ACSL4: variants seen among roughly 807,000 people sequenced by gnomAD.
The protein encoded by ACSL4 is long-chain-fatty-acid--CoA ligase 4.
Under a neutral mutation model 49.1 loss-of-function variants are expected in ACSL4, and 9 were observed. The observed-to-expected ratio is 0.18, with a 90% CI of 0.11 to 0.32. The LOEUF is 0.32. ACSL4 is among the 10% of genes least tolerant of loss of function. The probability of loss-of-function intolerance (pLI) is 1.00; values close to 1 mark genes in which losing one functional copy is unlikely to be tolerated. For synonymous variants in ACSL4, 191 were observed against 170.3 expected (o/e 1.12, Z -0.95); for missense variants, 333 against 493.7 (o/e 0.67, Z 3.08).
At chrX:109,671,825 A>G (rs1923270893) in intron 9 of ACSL4, among the ~76,000 whole-genome samples, 1 of 111,112 alleles carries the variant, frequency 9.0e-6, no homozygotes, top group African/African-American at 3.3e-5. Flanking sequence ...TAAGGGTTAA[A>G]TGGATTAAGG....
rs750106263 is a variant in ACSL4, at chrX:109,723,888, ATCTG to A, written c.-66+9247_-66+9250del. On this transcript the variant is annotated intron_variant, in intron 1 of 15. Coordinates refer to ENST00000672401, the MANE Select transcript of ACSL4 (RefSeq NM_001318510.2). Reference sequence around the variant, plus strand: ...AAAAGTGGATATTAAGTTCTTGCCAATCTGTCTGGTGAAAAACGGTTTACATTTC... The same window carrying A: ...AAAAGTGGATATTAAGTTCTTGCCAATCTGGTGAAAAACGGTTTACATTTC... Among the ~76,000 whole-genome samples the A allele has an allele frequency of 1.2e-4, 13 of 112,505 alleles. 3 individuals are homozygous for A. The highest frequency in any genetic ancestry group is 1.1e-3 in the South Asian group (3 of 2,727).
intron 15 of ACSL4, among the ~76,000 whole-genome samples, chrX:109,654,906 G>T (rs1921495820): frequency 8.9e-6 from 1 of 111,831 alleles, no homozygotes; most frequent in African/African-American, 3.3e-5. Context: ...TACAACAGAA[G>T]GAGGGAGTAA....
At chrX:109,671,520 G>A (rs1451360979) in intron 9 of ACSL4, among the ~76,000 whole-genome samples, 4 of 110,236 alleles carry the variant, frequency 3.6e-5, no homozygotes, top group South Asian at 7.7e-4. Context: ...CTGCCTGGCC[G>A]CCCCGTCTGG....
At chrX:109,726,789 C>T (rs1031557729) in intron 1 of ACSL4, among the ~76,000 whole-genome samples, 3 of 111,980 alleles carry the variant, frequency 2.7e-5, no homozygotes, top group African/African-American at 9.7e-5. Context: ...AGGGATCCTC[C>T]CACTTCAGCC....
intron 2 of ACSL4, among the ~76,000 whole-genome samples, chrX:109,693,968 A>AAT (rs1174153482): frequency 8.9e-6 from 1 of 111,978 alleles, no homozygotes; most frequent in Non-Finnish European, 1.9e-5. Context: ...CTGTAGTTAA[A>AAT]TTAACTATAG....
chrX:109,650,424 A>C (rs1275862332), intron 15 of ACSL4, among the ~76,000 whole-genome samples: 1 of 105,014 alleles, frequency 9.5e-6, no homozygotes, highest in Non-Finnish European at 2.0e-5. Context: ...AACTATCGCA[A>C]GAACAAAAAA....
intron 15 of ACSL4, among the ~76,000 whole-genome samples, chrX:109,644,765 G>C (rs1433095001): frequency 8.9e-6 from 1 of 112,911 alleles, no homozygotes; most frequent in African/African-American, 3.2e-5. Flanking sequence ...TCCATCTGAG[G>C]TACCAGGTTC....
chrX:109,682,154 T>C (rs1431885973), intron 4 of ACSL4, among the ~76,000 whole-genome samples: 5 of 112,175 alleles, frequency 4.5e-5, no homozygotes, highest in African/African-American at 1.6e-4. Flanking sequence ...TACAGTGTTA[T>C]ATTTCATTCA....
intron 1 of ACSL4, among the ~76,000 whole-genome samples, chrX:109,700,510 C>T (rs1925827196): frequency 9.4e-6 from 1 of 105,829 alleles, no homozygotes; most frequent in African/African-American, 3.5e-5. Context: ...GCACTCCAGC[C>T]TGGGTGACAG....
At chrX:109,673,668 C>T (rs995592923) in intron 9 of ACSL4, among the ~76,000 whole-genome samples, 2 of 112,061 alleles carry the variant, frequency 1.8e-5, no homozygotes, top group Admixed American at 1.9e-4. Context: ...ACTTTCTTAT[C>T]TAATCTCAGA....
chrX:109,733,180 T>C lies in ACSL4; in HGVS notation c.-107A>G, dbSNP rs919970208. On this transcript the variant is annotated 5_prime_UTR_variant, in exon 1 of 16. Transcript: ENST00000672401. Reference sequence around the variant, plus strand: ...CGCGTCTTCGCAGCCGGCCGGCGCCTGGCACTCGGAAAGCTCGCAAAAAGG... The same window carrying C: ...CGCGTCTTCGCAGCCGGCCGGCGCCCGGCACTCGGAAAGCTCGCAAAAAGG... The C allele has an allele frequency of 1.5e-5, 5 of 326,955 alleles. No homozygotes were observed. Among genetic ancestry groups the C allele is most frequent in the Non-Finnish European group, 3.0e-5 (5 of 168,721 alleles). The allele number at this position is 326,955 out of a possible 1,213,427, so 26.9% of individuals were successfully genotyped here. A position where few individuals can be genotyped will look rare whatever the true frequency, so the allele number is the denominator to read the frequency against.
chrX:109,662,457 T>C (rs1057374460), intron 13 of ACSL4, among the ~76,000 whole-genome samples: 10 of 111,288 alleles, frequency 9.0e-5, no homozygotes, highest in Admixed American at 1.9e-4. Flanking sequence ...CAGCGATGGA[T>C]TGAAATCAGT....
At chrX:109,659,607 T>C (rs1027736202) in intron 14 of ACSL4, 96 bp from the exon 15 acceptor site, 17 of 549,459 alleles carry the variant, frequency 3.1e-5, no homozygotes, top group Non-Finnish European at 4.4e-5. Flanking sequence ...ATTCCAAATA[T>C]ATATTTCTCT....
At chrX:109,652,697 G>C (rs191013353) in intron 15 of ACSL4, among the ~76,000 whole-genome samples, 9 of 111,128 alleles carry the variant, frequency 8.1e-5, no homozygotes, top group African/African-American at 2.9e-4. Flanking sequence ...ACTATATTGA[G>C]AGCAAATCAG....
intron 11 of ACSL4, among the ~76,000 whole-genome samples, chrX:109,666,612 T>A (rs1040220989): frequency 4.5e-5 from 5 of 111,710 alleles, no homozygotes; most frequent in Non-Finnish European, 7.5e-5. Context: ...CAGACACAGC[T>A]GTTACAAGGC....
rs898615292 is a variant in ACSL4, at chrX:109,692,724, T to A, written c.-13+3420A>T. On this transcript the variant is annotated intron_variant, in intron 2 of 15. Transcript: ENST00000672401. ...CTGCCCATTGTACCACAGTGCAGAC[T>A]TTTATTTTATCTACAAAGTCTTCGA... Among the ~76,000 whole-genome samples, 3 of 112,151 alleles carry A rather than the reference T, an allele frequency of 2.7e-5. No individual in the cohort carries two copies. The Admixed American group carries it at 2.8e-4, about 11-fold the overall frequency.
rs1925738773 is a variant in ACSL4 at position 109,699,882 on chromosome X, TA to T, written c.-65-3687del. On this transcript the variant is annotated intron_variant, in intron 1 of 15. Transcript: ENST00000672401. Reference sequence around the variant, plus strand: ...GTAAGCCAGTCAAACTACTGGAAGGTATCACTCACACGCTAAGCTGTGGGAG... The same window carrying T: ...GTAAGCCAGTCAAACTACTGGAAGGTTCACTCACACGCTAAGCTGTGGGAG... Among the ~76,000 whole-genome samples the T allele has an allele frequency of 7.5e-4, 83 of 111,279 alleles. 1 individual carries two copies. In the Admixed American group the frequency reaches 8.0e-3, roughly 11 times the overall value.
At chrX:109,680,322 A>T (rs188199183) in intron 6 of ACSL4, among the ~76,000 whole-genome samples, 88 of 112,072 alleles carry the variant, frequency 7.9e-4, no homozygotes, top group Non-Finnish European at 1.4e-3. Context: ...ACGCATGCTC[A>T]TTCTCTAATG....
chrX:109,657,155 T>C (rs1389860191), intron 15 of ACSL4, among the ~76,000 whole-genome samples: 1 of 111,968 alleles, frequency 8.9e-6, no homozygotes, highest in Non-Finnish European at 1.9e-5. Flanking sequence ...CCCAATAAGA[T>C]TTGGACTACA....
Sources: gnomAD v4.1 joint callset for allele counts (sites outside exome capture counted in the v4.1 genomes callset) on GRCh38, gnomAD v4.1.1 for gene constraint, MANE v1.5 for transcripts, NCBI Gene and HGNC (gene_info 2026-07-23, HGNC 2026-07-21) for gene names.